CACNA2D3: variants seen among roughly 807,000 people sequenced by gnomAD.
CACNA2D3 encodes voltage-dependent calcium channel subunit alpha-2/delta-3.
CACNA2D3 carries 60 observed loss-of-function variants against 160.6 expected under a neutral mutation model. The observed-to-expected ratio is 0.37, with a 90% CI of 0.30 to 0.46. The LOEUF (loss-of-function observed/expected upper bound fraction) is 0.46, where lower values mean the gene tolerates loss of function less well. CACNA2D3 is among the 20% of genes least tolerant of loss of function. CACNA2D3 has a pLI of 1.00. For missense variants in CACNA2D3, 1,205 were observed against 1,365.0 expected (o/e 0.88, Z 1.85); for synonymous variants, 558 against 492.9 (o/e 1.13, Z -1.75).
intron 11 of CACNA2D3, among the ~76,000 whole-genome samples, chr3:54,645,975 C>G (rs947058439): frequency 4.6e-5 from 7 of 151,944 alleles, no homozygotes; most frequent in African/African-American, 1.7e-4. Flanking sequence ...TGTGTAATCT[C>G]TTTACCTTCT....
At chr3:54,371,642 C>G (rs1330260184) in intron 3 of CACNA2D3, among the ~76,000 whole-genome samples, 1 of 152,158 alleles carries the variant, frequency 6.6e-6, no homozygotes, top group African/African-American at 2.4e-5. Flanking sequence ...CTCCCATTGA[C>G]ATTTATTTGA....
chr3:54,387,855 T>C (rs2106664289), intron 4 of CACNA2D3, among the ~76,000 whole-genome samples: 2 of 152,312 alleles, frequency 1.3e-5, no homozygotes, highest in African/African-American at 2.4e-5. Flanking sequence ...GGAAATAGTG[T>C]TGACTTTCCT....
intron 2 of CACNA2D3, among the ~76,000 whole-genome samples, chr3:54,270,132 TC>T (rs1702592950): frequency 6.6e-6 from 1 of 152,210 alleles, no homozygotes; most frequent in Non-Finnish European, 1.5e-5. Context: ...CTTCTCGTGT[TC>T]AGCATTCTCC....
intron 3 of CACNA2D3, among the ~76,000 whole-genome samples, chr3:54,331,338 G>A (rs527330140): frequency 1.3e-5 from 2 of 152,264 alleles, no homozygotes; most frequent in African/African-American, 2.4e-5. Context: ...ATGCAGCTCC[G>A]TAGTCGTTTA....
At chr3:55,060,146 G>A (rs557156668) in intron 35 of CACNA2D3, among the ~76,000 whole-genome samples, 1 of 152,246 alleles carries the variant, frequency 6.6e-6, no homozygotes, top group Admixed American at 6.5e-5. Flanking sequence ...GTCCATATCA[G>A]TATGATGGGT....
At chr3:54,309,809 C>G (rs925894647) in intron 2 of CACNA2D3, among the ~76,000 whole-genome samples, 1 of 152,070 alleles carries the variant, frequency 6.6e-6, no homozygotes. Context: ...TGCTTCTCAA[C>G]CCCCTAAGGA....
chr3:54,124,094 T>G (rs1373454964), intron 2 of CACNA2D3, among the ~76,000 whole-genome samples: 1 of 152,234 alleles, frequency 6.6e-6, no homozygotes, highest in African/African-American at 2.4e-5. Flanking sequence ...AGGGCTAGGA[T>G]GCATTACATC....
At chr3:54,899,726 C>A in intron 26 of CACNA2D3, 62 bp from the exon 27 acceptor site, 2 of 1,208,386 alleles carry the variant, frequency 1.7e-6, no homozygotes, top group Non-Finnish European at 2.4e-6. Flanking sequence ...GATATGATTA[C>A]TCTCTTAACG....
chr3:54,458,252 C>A (rs1318375115), intron 4 of CACNA2D3, among the ~76,000 whole-genome samples: 1 of 151,848 alleles, frequency 6.6e-6, no homozygotes, highest in African/African-American at 2.4e-5. Context: ...GTATTTGCTC[C>A]ACCAGTGAAT....
chr3:54,658,450 T>C (rs1303039870), intron 11 of CACNA2D3, among the ~76,000 whole-genome samples: 2 of 152,240 alleles, frequency 1.3e-5, no homozygotes, highest in African/African-American at 2.4e-5. Context: ...GCTTTCCATT[T>C]ACCTGTTGAC....
At chr3:54,976,255 C>T (rs1436802379) in intron 29 of CACNA2D3, among the ~76,000 whole-genome samples, 2 of 144,342 alleles carry the variant, frequency 1.4e-5, no homozygotes, top group African/African-American at 5.2e-5. Context: ...ACTCAAGTCT[C>T]ACTTGTGTGT....
intron 5 of CACNA2D3, among the ~76,000 whole-genome samples, chr3:54,533,332 C>T (rs1466365502): frequency 1.0e-5 from 1 of 97,306 alleles, no homozygotes; most frequent in African/African-American, 4.1e-5. Flanking sequence ...CTTTTCTTTC[C>T]TTTTTTTTTT....
At chr3:54,637,120 G>A (rs1460107801) in intron 10 of CACNA2D3, among the ~76,000 whole-genome samples, 1 of 151,980 alleles carries the variant, frequency 6.6e-6, no homozygotes, top group Non-Finnish European at 1.5e-5. Context: ...CCGGTTTTAG[G>A]ACAGGTAAAA....
At chr3:54,794,042 A>T (rs1204082237) in intron 13 of CACNA2D3, among the ~76,000 whole-genome samples, 1 of 152,180 alleles carries the variant, frequency 6.6e-6, no homozygotes, top group South Asian at 2.1e-4. Context: ...ATTTCTTTTA[A>T]TGTCTTCAAG....
At chr3:54,944,565 C>T (rs930195262) in intron 27 of CACNA2D3, among the ~76,000 whole-genome samples, 4 of 152,026 alleles carry the variant, frequency 2.6e-5, no homozygotes, top group East Asian at 1.9e-4. Context: ...GGACTACAGG[C>T]GCCCACCACC....
intron 34 of CACNA2D3, among the ~76,000 whole-genome samples, chr3:55,014,967 GCAAATAGACC>G (rs1703297737): frequency 6.6e-6 from 1 of 152,172 alleles, no homozygotes; most frequent in African/African-American, 2.4e-5. Context: ...TAGTCGTGCT[GCAAATAGACC>G]CAACGGTTTA....
intron 13 of CACNA2D3, among the ~76,000 whole-genome samples, chr3:54,774,855 C>T (rs1457070536): frequency 6.6e-6 from 1 of 151,750 alleles, no homozygotes; most frequent in African/African-American, 2.4e-5. Flanking sequence ...AGGCTGGTCT[C>T]GAACTCCTGA....
chr3:54,797,616 T>G (rs2106662500), intron 13 of CACNA2D3, among the ~76,000 whole-genome samples: 1 of 152,318 alleles, frequency 6.6e-6, no homozygotes, highest in Non-Finnish European at 1.5e-5. Flanking sequence ...CTTTTTGAAC[T>G]TTTTTAACTT....
chr3:54,449,699 T>A (rs1700275940), intron 4 of CACNA2D3, among the ~76,000 whole-genome samples: 1 of 152,170 alleles, frequency 6.6e-6, no homozygotes, highest in Non-Finnish European at 1.5e-5. Flanking sequence ...TCCACCTACC[T>A]TTTTGTCCCT....
Sources: allele counts gnomAD v4.1 joint callset (sites outside exome capture counted in the v4.1 genomes callset), GRCh38; gene constraint gnomAD v4.1.1; transcripts MANE v1.5; gene names NCBI Gene and HGNC (gene_info 2026-07-23, HGNC 2026-07-21).